The following PPFIBP2 variants were observed in gnomAD, a reference collection of about 807,000 sequenced individuals.
PPFIBP2 encodes PPFIB scaffold protein 2, also known as liprin-beta-2.
A neutral mutation model predicts 118.3 loss-of-function variants in PPFIBP2; 118 were observed. That is an observed-to-expected ratio of 1.00 (90% CI 0.86 to 1.16). The LOEUF (loss-of-function observed/expected upper bound fraction) is 1.16, where lower values mean the gene tolerates loss of function less well. PPFIBP2 is among the 50% of genes most tolerant of loss of function. The pLI, the probability that PPFIBP2 is intolerant of heterozygous loss-of-function variation, is 0.00. For synonymous variants in PPFIBP2, 414 were observed against 397.4 expected (o/e 1.04, Z -0.50); for missense variants, 1,195 against 1,073.1 (o/e 1.11, Z -1.59).
At chr11:7,527,237 G>A (rs1850311005) in intron 1 of PPFIBP2, among the ~76,000 whole-genome samples, 1 of 152,052 alleles carries the variant, frequency 6.6e-6, no homozygotes, top group Admixed American at 6.5e-5. Flanking sequence ...GAGGTTTTGG[G>A]TGGGGTGTGG....
chr11:7,550,702 G>A (rs1215004989), intron 2 of PPFIBP2, among the ~76,000 whole-genome samples: 2 of 152,152 alleles, frequency 1.3e-5, no homozygotes, highest in African/African-American at 2.4e-5. Flanking sequence ...TATTGATCCC[G>A]GGTGTGTCTG....
downstream of PPFIBP2, chr11:7,657,107 G>A (rs552392562): frequency 4.8e-5 from 12 of 247,980 alleles, no homozygotes; most frequent in Admixed American, 1.4e-4. Flanking sequence ...TCGATGGCTC[G>A]TGATATTCCT....
chr11:7,624,396 G>A (rs1444821117), intron 7 of PPFIBP2, among the ~76,000 whole-genome samples: 1 of 152,252 alleles, frequency 6.6e-6, no homozygotes, highest in Non-Finnish European at 1.5e-5. Flanking sequence ...GGGCTGATCA[G>A]GGTGCGTGCT....
intron 1 of PPFIBP2, among the ~76,000 whole-genome samples, chr11:7,520,522 T>C (rs79935169): frequency 6.6e-6 from 1 of 151,916 alleles, no homozygotes; most frequent in Non-Finnish European, 1.5e-5. Flanking sequence ...TTTTTTTTTT[T>C]CCTGAAATGC....
chr11:7,601,535 C>G, intron 5 of PPFIBP2, among the ~76,000 whole-genome samples: 1 of 152,040 alleles, frequency 6.6e-6, no homozygotes, highest in Non-Finnish European at 1.5e-5. Context: ...CACATATAGA[C>G]ATACCTTGTA....
the PPFIBP2 span, chr11:7,665,452 C>T: frequency 2.3e-5 from 37 of 1,613,486 alleles, no homozygotes; most frequent in Admixed American, 8.3e-5. Context: ...TTAGTGGTGG[C>T]GGGCCACACA....
chr11:7,550,752 G>A (rs1435971481), intron 2 of PPFIBP2, among the ~76,000 whole-genome samples: 2 of 152,290 alleles, frequency 1.3e-5, no homozygotes, highest in Admixed American at 1.3e-4. Context: ...TGAGTCAGTG[G>A]ACTGGGGAAG....
At chr11:7,623,614 G>T (rs1476235720) in intron 7 of PPFIBP2, among the ~76,000 whole-genome samples, 1 of 152,228 alleles carries the variant, frequency 6.6e-6, no homozygotes, top group African/African-American at 2.4e-5. Context: ...GGCTCAGGAA[G>T]GAGAGCCCTC....
chr11:7,556,266 T>A (rs992418977), intron 2 of PPFIBP2, among the ~76,000 whole-genome samples: 1 of 152,066 alleles, frequency 6.6e-6, no homozygotes, highest in Admixed American at 6.6e-5. Flanking sequence ...CCATCCTGGC[T>A]AACACAGTGA....
intron 3 of PPFIBP2, among the ~76,000 whole-genome samples, chr11:7,573,607 A>T (rs1299968402): frequency 6.6e-6 from 1 of 152,118 alleles, no homozygotes; most frequent in African/African-American, 2.4e-5. Flanking sequence ...CTTTGTACTG[A>T]TCTATTTTGG....
chr11:7,523,583 G>A (rs1410579056), intron 1 of PPFIBP2, among the ~76,000 whole-genome samples: 1 of 152,068 alleles, frequency 6.6e-6, no homozygotes, highest in Non-Finnish European at 1.5e-5. Context: ...AAAGTGTCAG[G>A]GACAGCCACA....
In PPFIBP2 at chr11:7,641,682, G is replaced by C. The variant is rs1276884575; in HGVS notation, c.1517+62G>C. 2.0e-6 allele frequency: 3 copies of C among 1,530,210 alleles called. 1 individual carries two copies. The African/African-American group carries it at 4.1e-5, about 21-fold the overall frequency. 94.8% of individuals were successfully genotyped at this position (1,530,210 alleles called of 1,614,324 possible). The stretch of plus-strand genomic sequence containing the variant: ...GAATTTTTCTTTTTGATTGGGCAAA[G>C]AGTCTATGTAAGCCCCTGGTCCAAT... On this transcript the variant is annotated intron_variant, in intron 16 of 23. Coordinates refer to ENST00000299492, the MANE Select transcript of PPFIBP2 (RefSeq NM_003621.5).
At chr11:7,541,995 C>T (rs115714916) in intron 1 of PPFIBP2, among the ~76,000 whole-genome samples, 2,484 of 152,226 alleles carry the variant, frequency 0.016, 57 homozygotes, top group African/African-American at 0.056. Context: ...GTCTGAGTCA[C>T]TTCATCTCTT....
At chr11:7,614,985 T>TGC (rs1273208811) in intron 6 of PPFIBP2, among the ~76,000 whole-genome samples, 4 of 152,156 alleles carry the variant, frequency 2.6e-5, no homozygotes, top group Admixed American at 2.6e-4. Context: ...CAAAAGGGTC[T>TGC]GCTTTATGGG....
intron 3 of PPFIBP2, 28 bp downstream of exon 3, chr11:7,565,795 A>G: frequency 6.2e-7 from 1 of 1,608,160 alleles, no homozygotes; most frequent in Non-Finnish European, 8.5e-7. Context: ...CTGATTGGGA[A>G]CCACTGGGGA....
intron 21 of PPFIBP2, 170 bp from the exon 22 acceptor site, chr11:7,650,670 A>C: frequency 1.9e-6 from 1 of 534,386 alleles, no homozygotes; most frequent in Non-Finnish European, 3.2e-6. Flanking sequence ...TCTATTTCCT[A>C]GAAACTGGGG....
At position 7,621,021 on chromosome 11, in the gene PPFIBP2, C is replaced by A; in HGVS notation, c.705C>A (p.Ala235=). ...ERNQYEWKLK[A]TKAEVAQLQE... ...ATCAGTATGAATGGAAGCTAAAGGCCACTAAGGTAAACGGCACTCCTGATG... is the reference window on the plus strand; with the variant it reads ...ATCAGTATGAATGGAAGCTAAAGGCAACTAAGGTAAACGGCACTCCTGATG... Residue 235 remains alanine, a synonymous_variant, in exon 7 of 24, where the codon GCC becomes GCA. Transcript: ENST00000299492. The A allele has an allele frequency of 6.2e-7, 1 of 1,605,158 alleles. No homozygotes were observed. Among genetic ancestry groups the A allele is most frequent in the Non-Finnish European group, 8.5e-7 (1 of 1,171,866 alleles).
At chr11:7,641,809 T>C (rs1852238947) in intron 16 of PPFIBP2, 189 bp downstream of exon 16, 3 of 639,758 alleles carry the variant, frequency 4.7e-6, no homozygotes, top group Non-Finnish European at 8.0e-6. Flanking sequence ...AGACACCCAT[T>C]GAATATATCC....
intron 2 of PPFIBP2, among the ~76,000 whole-genome samples, chr11:7,561,837 C>T (rs61890218): frequency 0.17 from 26,633 of 152,196 alleles, 2,395 homozygotes; most frequent in African/African-American, 0.21. Flanking sequence ...GCTTAGGTCT[C>T]TTAAAGAGTT....
Sources: gnomAD v4.1 joint callset for allele counts (sites outside exome capture counted in the v4.1 genomes callset) on GRCh38, gnomAD v4.1.1 for gene constraint, MANE v1.5 for transcripts, NCBI Gene and HGNC (gene_info 2026-07-23, HGNC 2026-07-21) for gene names.